Variants in CUL5 observed in about 807,000 individuals in gnomAD.
CUL5 encodes the protein cullin-5.
Under a neutral mutation model 108.8 loss-of-function variants are expected in CUL5, and 26 were observed. The observed-to-expected ratio is 0.24, with a 90% CI of 0.18 to 0.33. The LOEUF (loss-of-function observed/expected upper bound fraction) is 0.33, where lower values mean the gene tolerates loss of function less well. CUL5 is among the 10% of genes least tolerant of loss of function. The pLI is 1.00. For synonymous variants in CUL5, 334 were observed against 298.0 expected (o/e 1.12, Z -1.25); for missense variants, 524 against 909.2 (o/e 0.58, Z 5.45).
At chr11:108,055,028 A>G (rs1565249142) in intron 7 of CUL5, 73 bp downstream of exon 7, 10 of 1,041,724 alleles carry the variant, frequency 9.6e-6, no homozygotes, top group Non-Finnish European at 1.4e-5. Flanking sequence ...CAAATAAACA[A>G]CATAAATAAT....
intron 1 of CUL5, among the ~76,000 whole-genome samples, chr11:108,017,878 C>T (rs1253803076): frequency 6.6e-6 from 1 of 152,112 alleles, no homozygotes; most frequent in East Asian, 1.9e-4. Context: ...GGTGGAGCCA[C>T]TATTTTACTC....
At chr11:108,070,932 A>T (rs1863804802) in intron 8 of CUL5, among the ~76,000 whole-genome samples, 1 of 152,224 alleles carries the variant, frequency 6.6e-6, no homozygotes, top group Non-Finnish European at 1.5e-5. Context: ...TAAACAAAAT[A>T]CTTGTATTCT....
intron 13 of CUL5, among the ~76,000 whole-genome samples, chr11:108,090,171 C>A (rs1044382186): frequency 6.6e-6 from 1 of 152,012 alleles, no homozygotes; most frequent in African/African-American, 2.4e-5. Context: ...CCTCAACTCT[C>A]ATTTAAACTG....
chr11:108,017,250 G>A (rs533146676), intron 1 of CUL5, among the ~76,000 whole-genome samples: 2 of 151,978 alleles, frequency 1.3e-5, no homozygotes, highest in African/African-American at 4.8e-5. Flanking sequence ...AATACCTGGG[G>A]GTGGTGGTGT....
intron 17 of CUL5, among the ~76,000 whole-genome samples, 175 bp downstream of exon 17, chr11:108,097,929 A>G (rs534628719): frequency 4.1e-4 from 63 of 152,316 alleles, no homozygotes; most frequent in African/African-American, 1.3e-3. Flanking sequence ...TTACTTTTCT[A>G]TATTTTTCAT....
intron 7 of CUL5, among the ~76,000 whole-genome samples, chr11:108,068,742 TGACAC>T (rs1052102770): frequency 1.7e-4 from 26 of 152,274 alleles, no homozygotes; most frequent in Middle Eastern, 3.4e-3. Flanking sequence ...AATAATTACA[TGACAC>T]GAGGGAGCAG....
chr11:108,091,435 A>G (rs891744190), intron 13 of CUL5, among the ~76,000 whole-genome samples: 3 of 151,862 alleles, frequency 2.0e-5, no homozygotes, highest in African/African-American at 7.3e-5. Context: ...TCACACCTGT[A>G]ATCCCAGCAC....
intron 7 of CUL5, among the ~76,000 whole-genome samples, chr11:108,058,880 G>A (rs1349143914): frequency 6.6e-6 from 1 of 152,146 alleles, no homozygotes; most frequent in Non-Finnish European, 1.5e-5. Flanking sequence ...GAACAGAAAT[G>A]TATTGAATGT....
intron 7 of CUL5, among the ~76,000 whole-genome samples, chr11:108,062,200 C>CT (rs1863554412): frequency 6.7e-6 from 1 of 149,938 alleles, no homozygotes; most frequent in South Asian, 2.1e-4. Context: ...ATAGTGCTTT[C>CT]TGGAATATCC....
At chr11:108,082,524 AC>A (rs1228347013) in intron 11 of CUL5, among the ~76,000 whole-genome samples, 3 of 151,630 alleles carry the variant, frequency 2.0e-5, no homozygotes, top group Middle Eastern at 3.2e-3. Flanking sequence ...TGGTTCTCCC[AC>A]CTTAGCCCCT....
chr11:108,091,809 A>C (rs2135231741), intron 13 of CUL5, among the ~76,000 whole-genome samples: 1 of 152,136 alleles, frequency 6.6e-6, no homozygotes. Context: ...CAATAAGTGC[A>C]TGCAAAGATA....
chr11:108,055,910 C>T (rs959446285), intron 7 of CUL5, among the ~76,000 whole-genome samples: 16 of 152,120 alleles, frequency 1.1e-4, no homozygotes, highest in Admixed American at 7.2e-4. Context: ...GGATTACAGG[C>T]GTGAGCCACT....
At chr11:108,021,191 G>T (rs1249328391) in intron 1 of CUL5, among the ~76,000 whole-genome samples, 1 of 152,140 alleles carries the variant, frequency 6.6e-6, no homozygotes, top group African/African-American at 2.4e-5. Context: ...ATTGCTTAAC[G>T]ATGCATTTCT....
Position 108,009,329 on chromosome 11 carries a change from G to T in CUL5, c.-20G>T. 1 of 1,612,428 alleles carries T rather than the reference G, an allele frequency of 6.2e-7. No individual in the cohort carries two copies. The highest frequency in any genetic ancestry group is 8.5e-7 in the Non-Finnish European group (1 of 1,179,294). ...GCCACGAATTCTCGCGTCGTCTCGC[G>T]AGAGTCCAAGTTAAAGAACATGGCG... On this transcript the variant is annotated 5_prime_UTR_variant, in exon 1 of 19. Coordinates refer to ENST00000393094, the MANE Select transcript of CUL5 (RefSeq NM_003478.6).
chr11:108,096,519 G>A (rs1276067819), intron 16 of CUL5, among the ~76,000 whole-genome samples: 2 of 143,830 alleles, frequency 1.4e-5, no homozygotes, highest in Non-Finnish European at 3.0e-5. Flanking sequence ...GAAAGATTGA[G>A]TTGGTATTTA....
Position 108,089,706 on chromosome 11 carries a change from T to C in CUL5, c.1443+83T>C, listed in dbSNP as rs537342199. 37 of 774,400 alleles carry C rather than the reference T, an allele frequency of 4.8e-5. No homozygotes were observed. The African/African-American group carries it at 5.5e-4, about 12-fold the overall frequency. The allele number at this position is 774,400 out of a possible 1,614,324, so 48.0% of individuals were successfully genotyped here. Reference sequence around the variant, plus strand: ...GCTTAAGTAATACATTTTGGAGATATTGTTAATGTCAAAGAAGTAGGAAAC... The same window carrying C: ...GCTTAAGTAATACATTTTGGAGATACTGTTAATGTCAAAGAAGTAGGAAAC... On this transcript the variant is annotated intron_variant, in intron 13 of 18. Transcript: ENST00000393094.
At chr11:108,026,721 T>A (rs1310277983) in intron 1 of CUL5, among the ~76,000 whole-genome samples, 4 of 152,184 alleles carry the variant, frequency 2.6e-5, no homozygotes, top group Non-Finnish European at 4.4e-5. Context: ...CCAGGCGCAG[T>A]GGCTCACGTT....
rs1202063860 is a variant in CUL5 at position 108,089,579 on chromosome 11, T to G, written c.1399T>G (p.Ser467Ala). 6.4e-7 allele frequency: 1 copy of G among 1,558,236 alleles called. No homozygotes were observed. The stretch of plus-strand genomic sequence containing the variant: ...GACACGACGTCTTATATTAGACATC[T>G]CTGCCGATAGTGAAATTGAAGAAAA... ...HLTRRLILDISADSEIEENMV... is the reference protein window; with the variant it reads ...HLTRRLILDIAADSEIEENMV... The change falls in exon 13 of 19, where the codon TCT becomes GCT. Residue 467 changes from serine to alanine, a missense_variant. Transcript: ENST00000393094.
At chr11:108,037,660 A>G (rs35185685) in intron 2 of CUL5, among the ~76,000 whole-genome samples, 17,446 of 152,210 alleles carry the variant, frequency 0.11, 1,134 homozygotes, top group Non-Finnish European at 0.15. Context: ...CAGGGAAGCT[A>G]ATTAGGGGCT....
Sources: gnomAD v4.1 joint callset for allele counts (sites outside exome capture counted in the v4.1 genomes callset) on GRCh38, gnomAD v4.1.1 for gene constraint, MANE v1.5 for transcripts, NCBI Gene and HGNC (gene_info 2026-07-23, HGNC 2026-07-21) for gene names.